Variants in GPR161 observed in about 807,000 individuals in gnomAD.
GPR161 encodes G-protein coupled receptor RE2.
In GPR161, 25 loss-of-function variants were observed where a neutral mutation model predicts 39.2. That is an observed-to-expected ratio of 0.64 (90% CI 0.47 to 0.89). The LOEUF is 0.89. Among genes scored for constraint, GPR161 ranks in the 40% least tolerant of loss-of-function variants. GPR161 has a pLI of 0.00. For missense variants in GPR161, 547 were observed against 677.8 expected (o/e 0.81, Z 2.14); for synonymous variants, 286 against 276.6 (o/e 1.03, Z -0.34).
chr1:168,136,286 G>A (rs919771359), intron 1 of GPR161: 1 of 1,452,010 alleles, frequency 6.9e-7, no homozygotes, highest in South Asian at 1.3e-5. Flanking sequence ...GCCGAGGGGC[G>A]TGACCGCTTC....
At chr1:168,106,098 A>G (rs1386765498) in intron 1 of GPR161, among the ~76,000 whole-genome samples, 1 of 152,158 alleles carries the variant, frequency 6.6e-6, no homozygotes, top group East Asian at 1.9e-4. Flanking sequence ...AGTGAGCTGT[A>G]TAGTGGTTTC....
intron 1 of GPR161, among the ~76,000 whole-genome samples, chr1:168,117,503 C>A (rs573651143): frequency 1.2e-4 from 19 of 152,210 alleles, no homozygotes; most frequent in Middle Eastern, 3.4e-3. Context: ...TTACTTAACC[C>A]CCCCCTGCAT....
chr1:168,116,937 A>G (rs1274673435), intron 1 of GPR161, among the ~76,000 whole-genome samples: 2 of 152,220 alleles, frequency 1.3e-5, no homozygotes, highest in Non-Finnish European at 2.9e-5. Flanking sequence ...TCAGAACCCC[A>G]GATGGCCTAT....
intron 3 of GPR161, among the ~76,000 whole-genome samples, chr1:168,095,102 C>A (rs1308032995): frequency 6.6e-6 from 1 of 152,044 alleles, no homozygotes; most frequent in Non-Finnish European, 1.5e-5. Context: ...GGCATTTTTG[C>A]CAAAAATGGA....
At chr1:168,091,606 G>A (rs1047926006) in intron 3 of GPR161, among the ~76,000 whole-genome samples, 11 of 152,102 alleles carry the variant, frequency 7.2e-5, no homozygotes, top group African/African-American at 2.7e-4. Context: ...GTGAAGGGGT[G>A]CCCAAGGATC....
At chr1:168,119,811 A>G (rs1013243837) in intron 1 of GPR161, among the ~76,000 whole-genome samples, 3 of 151,912 alleles carry the variant, frequency 2.0e-5, no homozygotes, top group Non-Finnish European at 2.9e-5. Flanking sequence ...AGTGGGTGCA[A>G]GCCCCAAGCC....
intron 2 of GPR161, among the ~76,000 whole-genome samples, chr1:168,099,836 T>TTGGG (rs1553262906): frequency 2.1e-5 from 2 of 95,852 alleles, no homozygotes; most frequent in Admixed American, 1.1e-4. Flanking sequence ...GTTTTTTTTT[T>TTGGG]GGGGGGGGGG....
At position 168,104,956 on chromosome 1, in the gene GPR161, C is replaced by G. The variant is rs143591469; in HGVS notation, c.-44-62G>C. 3.9e-5 allele frequency: 53 copies of G among 1,349,858 alleles called. No individual in the cohort carries two copies. In the African/African-American group the frequency reaches 7.3e-4, roughly 19 times the overall value. 83.6% of individuals were successfully genotyped at this position (1,349,858 alleles called of 1,614,324 possible). A position where few individuals can be genotyped will look rare whatever the true frequency, so the allele number is the denominator to read the frequency against. On this transcript the variant is annotated intron_variant, in intron 1 of 5. Coordinates refer to ENST00000682931, the MANE Select transcript of GPR161 (RefSeq NM_001375883.1). ...ATTCATCAAATCACATCGTCTCCAC[C>G]TTAGGGAAGAAAGGCTTAAAGGGGT...
At chr1:168,136,695 C>T in intron 1 of GPR161, 44 bp downstream of exon 1, 1 of 1,087,650 alleles carries the variant, frequency 9.2e-7, no homozygotes, top group Non-Finnish European at 1.1e-6. Flanking sequence ...CCGGACCGCC[C>T]TCTCCGCCCG....
In GPR161 at chr1:168,091,140, C is replaced by G. The variant is rs532929876; in HGVS notation, c.1100-472G>C. On this transcript the variant is annotated intron_variant, in intron 3 of 5. Transcript: ENST00000682931. ...GATGGTTGAGAGTGATGAGCTGACC[C>G]GGAATAGAGAACTGAGGTTGGCAAC... Among the ~76,000 whole-genome samples the G allele has an allele frequency of 4.2e-4, 64 of 152,144 alleles. 1 individual carries two copies. The highest frequency in any genetic ancestry group is 1.5e-3 in the African/African-American group (63 of 41,486).
Position 168,104,680 on chromosome 1 carries a change from G to T in GPR161, c.171C>A (p.Tyr57Ter). The change falls in exon 2 of 6, where the codon TAC becomes TAA. Residue 57 changes from tyrosine to a stop codon, truncating the protein, a stop_gained. Transcript: ENST00000682931. LOFTEE classifies it high-confidence loss of function. Reference protein sequence around the residue: ...VIVVTLYKKSYLLTLSNKFVF... With the variant: ...VIVVTLYKKS ...CGAACTTGTTGCTGAGGGTGAGGAG[G>T]TAGGACTTCTTGTACAAGGTGACCA... 1 of 1,613,698 alleles carries T rather than the reference G, an allele frequency of 6.2e-7. No homozygotes were observed. Among genetic ancestry groups the T allele is most frequent in the Non-Finnish European group, 8.5e-7 (1 of 1,179,592 alleles).
chr1:168,137,125 C>T (rs1699453085), upstream of GPR161: 1 of 1,195,620 alleles, frequency 8.4e-7, no homozygotes, highest in African/African-American at 1.6e-5. Flanking sequence ...CATTTCTTCC[C>T]ACGAACAGCC....
intron 3 of GPR161, among the ~76,000 whole-genome samples, chr1:168,094,112 C>G (rs538344774): frequency 8.5e-5 from 13 of 152,358 alleles, no homozygotes; most frequent in Admixed American, 7.8e-4. Context: ...CCTGTGCTCA[C>G]AGCTTCACCA....
chr1:168,108,150 G>C (rs1034124692), intron 1 of GPR161, among the ~76,000 whole-genome samples: 1 of 152,212 alleles, frequency 6.6e-6, no homozygotes, highest in African/African-American at 2.4e-5. Flanking sequence ...CATAAGGAGA[G>C]GGGAGCCAAG....
At chr1:168,113,827 G>A (rs2102207553) in intron 1 of GPR161, among the ~76,000 whole-genome samples, 1 of 152,316 alleles carries the variant, frequency 6.6e-6, no homozygotes, top group African/African-American at 2.4e-5. Context: ...GCCTACTTGA[G>A]AGTGGAGGGT....
intron 1 of GPR161, among the ~76,000 whole-genome samples, chr1:168,126,586 A>T (rs1179667811): frequency 6.6e-6 from 1 of 152,024 alleles, no homozygotes; most frequent in Non-Finnish European, 1.5e-5. Flanking sequence ...CAAGTAGGTG[A>T]AACTACAGGT....
At chr1:168,119,287 TACACATATATAC>T (rs1697965822) in intron 1 of GPR161, among the ~76,000 whole-genome samples, 1 of 135,822 alleles carries the variant, frequency 7.4e-6, no homozygotes, top group African/African-American at 3.1e-5. Context: ...TATATATATA[TACACATATATAC>T]ATACGTACAT....
chr1:168,136,473 C>T (rs1383283980), intron 1 of GPR161: 3 of 1,267,416 alleles, frequency 2.4e-6, no homozygotes, highest in African/African-American at 3.1e-5. Context: ...GGGTGGGCCT[C>T]TCAGAAGCCC....
intron 1 of GPR161, among the ~76,000 whole-genome samples, chr1:168,115,430 T>C (rs6674187): frequency 0.013 from 2,053 of 152,108 alleles, 42 homozygotes; most frequent in African/African-American, 0.046. Flanking sequence ...CAGCCTCCTC[T>C]TTTTCCTCCT....
Sources: gnomAD v4.1 joint callset for allele counts (sites outside exome capture counted in the v4.1 genomes callset) on GRCh38, gnomAD v4.1.1 for gene constraint, MANE v1.5 for transcripts, NCBI Gene and HGNC (gene_info 2026-07-23, HGNC 2026-07-21) for gene names.